Variants in MATN2 observed in about 807,000 individuals in gnomAD.
MATN2 encodes matrilin 2, also known as matrilin-2.
A neutral mutation model predicts 103.2 loss-of-function variants in MATN2; 69 were observed. That is an observed-to-expected ratio of 0.67 (90% CI 0.55 to 0.82). The LOEUF is 0.82. MATN2 is among the 40% of genes least tolerant of loss of function. The pLI, the probability that MATN2 is intolerant of heterozygous loss-of-function variation, is 0.00. For synonymous variants in MATN2, 429 were observed against 450.2 expected, an observed-to-expected ratio of 0.95 and a Z score of 0.60; for missense variants, 1,023 against 1,211.5, an observed-to-expected ratio of 0.84 and a Z score of 2.31.
intron 13 of MATN2, among the ~76,000 whole-genome samples, chr8:98,026,467 G>A (rs1813811666): frequency 1.3e-5 from 2 of 151,676 alleles, no homozygotes; most frequent in Non-Finnish European, 2.9e-5. Context: ...TGTTACCCAG[G>A]GTGTTCTTGA....
intron 2 of MATN2, among the ~76,000 whole-genome samples, chr8:97,905,320 CACT>C (rs1819131001): frequency 6.6e-6 from 1 of 152,086 alleles, no homozygotes; most frequent in African/African-American, 2.4e-5. Flanking sequence ...TAACCATCAC[CACT>C]ATTTCCAGAG....
chr8:97,878,284 G>T (rs1396163732), intron 1 of MATN2, among the ~76,000 whole-genome samples: 1 of 152,138 alleles, frequency 6.6e-6, no homozygotes, highest in Non-Finnish European at 1.5e-5. Context: ...AAAAATAGGA[G>T]CCAGGCACAG....
chr8:97,997,323 T>C (rs985889213), intron 7 of MATN2, among the ~76,000 whole-genome samples: 19 of 152,324 alleles, frequency 1.2e-4, no homozygotes, highest in African/African-American at 4.6e-4. Context: ...AGCAGCTACT[T>C]TCTACTTCTC....
intron 4 of MATN2, among the ~76,000 whole-genome samples, chr8:97,944,333 G>C (rs72677068): frequency 6.6e-6 from 1 of 152,280 alleles, no homozygotes; most frequent in South Asian, 2.1e-4. Context: ...CTGCTGTCCC[G>C]TCTGACCCAG....
intron 2 of MATN2, among the ~76,000 whole-genome samples, chr8:97,901,070 G>A (rs536054103): frequency 5.9e-5 from 9 of 152,220 alleles, no homozygotes; most frequent in African/African-American, 1.4e-4. Flanking sequence ...CCTAGGTACC[G>A]TTCATCTGTT....
chr8:97,910,495 A>C (rs1809376570), intron 2 of MATN2, among the ~76,000 whole-genome samples: 1 of 152,218 alleles, frequency 6.6e-6, no homozygotes, highest in South Asian at 2.1e-4. Flanking sequence ...CCTGGAGTGT[A>C]ACAAACACTA....
rs1810686899 is a variant in MATN2 at position 97,944,627 on chromosome 8, GAT to G, written c.835+2729_835+2730del. Among the ~76,000 whole-genome samples, 4 of 152,298 alleles carry G rather than the reference GAT, an allele frequency of 2.6e-5. No homozygotes were observed. In the South Asian group the frequency reaches 8.3e-4, roughly 32 times the overall value. ...TGACTCTCAGTTTCCTCGCCCATAAGATGGGACGGGTGGTAACAAATCAATAC... is the reference window on the plus strand; with the variant it reads ...TGACTCTCAGTTTCCTCGCCCATAAGGGGACGGGTGGTAACAAATCAATAC... On this transcript the variant is annotated intron_variant, in intron 4 of 18. Coordinates refer to ENST00000254898, the MANE Select transcript of MATN2 (RefSeq NM_002380.5).
At chr8:97,885,656 G>A (rs987194899) in intron 1 of MATN2, among the ~76,000 whole-genome samples, 3 of 152,158 alleles carry the variant, frequency 2.0e-5, no homozygotes, top group African/African-American at 7.2e-5. Context: ...TAAATAGGCT[G>A]GGTGTGTTGG....
chr8:97,948,722 T>C (rs933400473), intron 4 of MATN2, among the ~76,000 whole-genome samples: 1 of 152,152 alleles, frequency 6.6e-6, no homozygotes, highest in Non-Finnish European at 1.5e-5. Context: ...TAATTGAAAA[T>C]GTATTCTAAG....
chr8:98,032,678 CCCA>C (rs1814081060), intron 16 of MATN2, among the ~76,000 whole-genome samples: 1 of 152,022 alleles, frequency 6.6e-6, no homozygotes, highest in Non-Finnish European at 1.5e-5. Flanking sequence ...ATTACAGGCA[CCCA>C]CCACCATGCC....
chr8:98,018,102 G>C lies in MATN2; in HGVS notation c.1805G>C (p.Gly602Ala). 6.2e-7 allele frequency: 1 copy of C among 1,613,808 alleles called. No individual in the cohort carries two copies. The highest frequency in any genetic ancestry group is 2.2e-5 in the East Asian group (1 of 44,874). ...GAGGGATTCCGGCTCGCTGAGGATG[G>C]GAAACGCTGCCGAAGTAAGTAGCCT... ...CLEGFRLAED[G>A]KRCRRKDVCK... is the part of the protein sequence containing the mutation. Residue 602 changes from glycine to alanine, a missense_variant, in exon 12 of 19, where the codon GGG (glycine) becomes GCG (alanine). By Grantham distance (60) the Gly-to-Ala change is moderately conservative (BLOSUM62 0). Transcript: ENST00000254898.
chr8:97,917,212 C>G (rs1809662128), intron 2 of MATN2, among the ~76,000 whole-genome samples: 1 of 152,168 alleles, frequency 6.6e-6, no homozygotes, highest in South Asian at 2.1e-4. Flanking sequence ...TACAAACTTC[C>G]CAGGATGGAT....
intron 1 of MATN2, among the ~76,000 whole-genome samples, chr8:97,872,291 C>T (rs1038634441): frequency 2.0e-5 from 3 of 152,232 alleles, no homozygotes; most frequent in South Asian, 2.1e-4. Context: ...TAAAAATCAG[C>T]GGCTGAGCAG....
chr8:97,971,799 C>T (rs1471625374), intron 5 of MATN2, among the ~76,000 whole-genome samples: 3 of 152,040 alleles, frequency 2.0e-5, no homozygotes, highest in African/African-American at 7.3e-5. Context: ...TTTCTTGAAG[C>T]ACTGACTGAG....
At chr8:97,932,742 A>G (rs1810239910) in intron 3 of MATN2, among the ~76,000 whole-genome samples, 2 of 152,224 alleles carry the variant, frequency 1.3e-5, no homozygotes, top group African/African-American at 4.8e-5. Context: ...CTGATTTGGT[A>G]AACAATGTCC....
intron 2 of MATN2, among the ~76,000 whole-genome samples, chr8:97,896,065 G>A (rs1341276750): frequency 6.6e-6 from 1 of 152,160 alleles, no homozygotes; most frequent in Non-Finnish European, 1.5e-5. Flanking sequence ...GTATTTGGAG[G>A]TGCTGCTGCA....
intron 8 of MATN2, 150 bp downstream of exon 8, chr8:98,003,933 C>G (rs1376066754): frequency 1.2e-6 from 1 of 842,622 alleles, no homozygotes; most frequent in African/African-American, 1.7e-5. Context: ...GTTTCATCAC[C>G]CATAGAATGT....
At chr8:97,971,636 T>C (rs1362413072) in intron 5 of MATN2, among the ~76,000 whole-genome samples, 1 of 152,244 alleles carries the variant, frequency 6.6e-6, no homozygotes, top group Admixed American at 6.5e-5. Context: ...ATGAATTTTC[T>C]GCTGTACTTA....
At chr8:97,885,238 T>G (rs1270965846) in intron 1 of MATN2, among the ~76,000 whole-genome samples, 1 of 152,212 alleles carries the variant, frequency 6.6e-6, no homozygotes, top group Non-Finnish European at 1.5e-5. Flanking sequence ...AGCCTAGACT[T>G]TTTATCTGCT....
Sources: allele counts gnomAD v4.1 joint callset (sites outside exome capture counted in the v4.1 genomes callset), GRCh38; gene constraint gnomAD v4.1.1; transcripts MANE v1.5; gene names NCBI Gene and HGNC (gene_info 2026-07-23, HGNC 2026-07-21).